RBFOX2: variants seen among roughly 807,000 people sequenced by gnomAD.
The protein encoded by RBFOX2 is RNA binding fox-1 homolog 2, also known as RNA binding protein fox-1 homolog 2.
A neutral mutation model predicts 49.1 loss-of-function variants in RBFOX2; 10 were observed. The ratio of observed to expected loss-of-function variants is 0.20; its 90% CI spans 0.13 to 0.35. The LOEUF is 0.35. Ranked by LOEUF, RBFOX2 falls within the 10% of genes least tolerant of loss-of-function variation. The pLI, the probability that RBFOX2 is intolerant of heterozygous loss-of-function variation, is 1.00. For synonymous variants in RBFOX2, 183 were observed against 187.4 expected (o/e 0.98, Z 0.19); for missense variants, 323 against 486.9 (o/e 0.66, Z 3.17).
chr22:35,816,383 C>T (rs1322023822), intron 1 of RBFOX2, among the ~76,000 whole-genome samples: 1 of 151,978 alleles, frequency 6.6e-6, no homozygotes, highest in African/African-American at 2.4e-5. Flanking sequence ...CTTTTCTCAC[C>T]TCAAGAAAGT....
intron 9 of RBFOX2, 112 bp downstream of exon 11, chr22:35,755,993 T>TA (rs905171467): frequency 1.6e-6 from 1 of 614,638 alleles, no homozygotes; most frequent in African/African-American, 2.1e-5. Flanking sequence ...AAAAAGAAAA[T>TA]AAAAATTAAA....
At chr22:35,741,570 C>T (rs533116513) in exon 12 of RBFOX2, 58 of 152,794 alleles carry the variant, frequency 3.8e-4, no homozygotes, top group African/African-American at 1.2e-3. Flanking sequence ...AGTGTTGACA[C>T]TGAAAACCAA....
Position 35,778,345 on chromosome 22 carries a change from C to T in RBFOX2, c.400-267G>A, listed in dbSNP as rs573412837. On this transcript the variant is annotated intron_variant, in intron 3 of 11. Coordinates refer to ENST00000405409, the Ensembl canonical transcript of RBFOX2. Reference sequence around the variant, plus strand: ...TTAGATACTTCATGTGGACAAGAACCTGGAATTTTCCTAACTACATCTCTT... The same window carrying T: ...TTAGATACTTCATGTGGACAAGAACTTGGAATTTTCCTAACTACATCTCTT... Among the ~76,000 whole-genome samples, 18 of 152,236 alleles carry T rather than the reference C, an allele frequency of 1.2e-4. No individual in the cohort carries two copies. The South Asian group carries it at 2.5e-3, about 21-fold the overall frequency.
rs1275693409 is a variant in RBFOX2, at chr22:35,899,599, G to C, written c.-34+39248C>G. ...AAAAAAGAAAGAAAGAAAAAAGGGG[G>C]AACAAAGTGGTAGGAGAAGAAAAAA... On this transcript the variant is annotated intron_variant, in intron 1 of 13. Transcript: ENST00000359369. Among the ~76,000 whole-genome samples, 5 of 150,710 alleles carry C rather than the reference G, an allele frequency of 3.3e-5. No individual in the cohort carries two copies. In the East Asian group the frequency reaches 9.7e-4, roughly 29 times the overall value.
intron 1 of RBFOX2, among the ~76,000 whole-genome samples, chr22:35,914,765 C>T (rs1384266977): frequency 6.6e-6 from 1 of 152,140 alleles, no homozygotes; most frequent in Non-Finnish European, 1.5e-5. Context: ...AAGAATGTCA[C>T]CCGATCCCCG....
exon 1 of RBFOX2, chr22:35,840,417 C>G: frequency 1.4e-6 from 2 of 1,472,194 alleles, no homozygotes; most frequent in Non-Finnish European, 8.9e-7. Context: ...GTCTCTCCCC[C>G]TCCTTCTTTC....
At chr22:35,905,743 GA>G (rs986364554) in intron 1 of RBFOX2, among the ~76,000 whole-genome samples, 2 of 152,134 alleles carry the variant, frequency 1.3e-5, no homozygotes, top group African/African-American at 2.4e-5. Flanking sequence ...AGCCTTGGGG[GA>G]GGGGGATGAG....
chr22:35,745,638 A>G (rs1932311114), intron 11 of RBFOX2, among the ~76,000 whole-genome samples: 1 of 152,186 alleles, frequency 6.6e-6, no homozygotes, highest in Admixed American at 6.5e-5. Flanking sequence ...AACCAATAGA[A>G]AACATTCACC....
chr22:35,919,139 T>C (rs1316445524), intron 1 of RBFOX2, among the ~76,000 whole-genome samples: 1 of 152,214 alleles, frequency 6.6e-6, no homozygotes, highest in Non-Finnish European at 1.5e-5. Context: ...ACATATTCTA[T>C]TGAGTCTATT....
intron 10 of RBFOX2, among the ~76,000 whole-genome samples, 175 bp downstream of exon 12, chr22:35,746,298 C>A (rs1431014426): frequency 1.3e-5 from 2 of 152,090 alleles, no homozygotes; most frequent in Non-Finnish European, 2.9e-5. Flanking sequence ...AGAGTCGGTG[C>A]CTTGTGCTTT....
At chr22:35,943,892 G>GA (rs1343386187), upstream of RBFOX2, among the ~76,000 whole-genome samples, 6 of 152,220 alleles carry the variant, frequency 3.9e-5, no homozygotes, top group East Asian at 1.2e-3. Flanking sequence ...GCGACAGAGC[G>GA]AGACTCCGTC....
chr22:35,862,164 A>G (rs1232083138), intron 1 of RBFOX2, among the ~76,000 whole-genome samples: 1 of 152,176 alleles, frequency 6.6e-6, no homozygotes, highest in Non-Finnish European at 1.5e-5. Context: ...AAGGGGCATG[A>G]GAAAACTTAC....
intron 1 of RBFOX2, among the ~76,000 whole-genome samples, chr22:35,858,682 T>G (rs1375930090): frequency 6.6e-6 from 1 of 151,644 alleles, no homozygotes; most frequent in Admixed American, 6.6e-5. Context: ...AAAAAATAGC[T>G]GGGCGTGGTG....
chr22:35,865,567 A>T (rs1175241851), intron 1 of RBFOX2, among the ~76,000 whole-genome samples: 2 of 150,826 alleles, frequency 1.3e-5, no homozygotes, highest in African/African-American at 2.4e-5. Flanking sequence ...CTTTATTATT[A>T]TTTTTTTTTG....
At position 35,985,504 on chromosome 22, in the gene RBFOX2, G is replaced by A. The variant is rs565223419; in HGVS notation, c.186+42736C>T. On this transcript the variant is annotated intron_variant, in intron 1 of 13. Coordinates refer to the RBFOX2 transcript ENST00000438146. Reference sequence around the variant, plus strand: ...TGTCAGATGTAGGAATGTGGGCCCCGTGCTGCCAAGTGAAGCCACAAATCT... The same window carrying A: ...TGTCAGATGTAGGAATGTGGGCCCCATGCTGCCAAGTGAAGCCACAAATCT... 3.9e-5 allele frequency among the ~76,000 whole-genome samples: 6 copies of A among 152,248 alleles called. No individual in the cohort carries two copies. In the East Asian group the frequency reaches 7.7e-4, roughly 20 times the overall value.
chr22:35,986,339 C>G (rs2057724416), intron 1 of RBFOX2, among the ~76,000 whole-genome samples: 1 of 152,124 alleles, frequency 6.6e-6, no homozygotes, highest in African/African-American at 2.4e-5. Flanking sequence ...CCCTGATTCA[C>G]TTAACAAAGT....
intron 1 of RBFOX2, among the ~76,000 whole-genome samples, chr22:35,953,655 G>A (rs2055218919): frequency 6.6e-6 from 1 of 152,128 alleles, no homozygotes; most frequent in African/African-American, 2.4e-5. Context: ...TTAATTTTAT[G>A]TTATATGAAT....
chr22:35,990,466 G>A (rs928473056), intron 1 of RBFOX2, among the ~76,000 whole-genome samples: 1 of 152,206 alleles, frequency 6.6e-6, no homozygotes, highest in African/African-American at 2.4e-5. Flanking sequence ...AATGACATTG[G>A]AGAAAAGAGG....
intron 4 of RBFOX2, among the ~76,000 whole-genome samples, chr22:35,772,134 G>C (rs563232648): frequency 3.5e-4 from 53 of 152,158 alleles, no homozygotes; most frequent in Non-Finnish European, 6.8e-4. Context: ...TTCTGAACAA[G>C]AGGAAATATT....
Sources: allele counts gnomAD v4.1 joint callset (sites outside exome capture counted in the v4.1 genomes callset), GRCh38; gene constraint gnomAD v4.1.1; transcripts MANE v1.5; gene names NCBI Gene and HGNC (gene_info 2026-07-23, HGNC 2026-07-21).